Variants in DENND1A observed in about 807,000 individuals in gnomAD.
DENND1A encodes the protein DENN domain containing 1A.
DENND1A carries 51 observed loss-of-function variants against 113.7 expected under a neutral mutation model. That is an observed-to-expected ratio of 0.45 (90% CI 0.36 to 0.57). The LOEUF is 0.57. DENND1A is among the 20% of genes least tolerant of loss of function. The pLI is 0.00. For missense variants in DENND1A, 1,258 were observed against 1,395.9 expected (o/e 0.90, Z 1.57); for synonymous variants, 565 against 570.8 (o/e 0.99, Z 0.14).
intron 9 of DENND1A, among the ~76,000 whole-genome samples, chr9:123,637,043 A>G (rs1397683425): frequency 6.6e-6 from 1 of 152,182 alleles, no homozygotes; most frequent in Non-Finnish European, 1.5e-5. Context: ...GAGGCTGTAC[A>G]GTTTTGAAAA....
intron 1 of DENND1A, among the ~76,000 whole-genome samples, chr9:123,880,021 T>C (rs1848093093): frequency 6.6e-6 from 1 of 152,144 alleles, no homozygotes; most frequent in African/African-American, 2.4e-5. Flanking sequence ...TTTATTTACG[T>C]ATTTATTTTG....
At chr9:123,387,431 G>C (rs566491391) in intron 22 of DENND1A, among the ~76,000 whole-genome samples, 3 of 152,314 alleles carry the variant, frequency 2.0e-5, no homozygotes, top group South Asian at 2.1e-4. Context: ...GCTAATTGTA[G>C]TCACCAGTTC....
At chr9:123,481,989 A>C (rs1354887574) in intron 13 of DENND1A, among the ~76,000 whole-genome samples, 1 of 151,550 alleles carries the variant, frequency 6.6e-6, no homozygotes, top group Non-Finnish European at 1.5e-5. Flanking sequence ...TTTTTAGTAG[A>C]GATGGGATTT....
intron 1 of DENND1A, among the ~76,000 whole-genome samples, chr9:123,925,093 T>C (rs972969890): frequency 2.0e-5 from 3 of 152,218 alleles, no homozygotes; most frequent in Admixed American, 6.5e-5. Flanking sequence ...CACCTGGTTT[T>C]TTTAATGTCA....
At chr9:123,575,031 G>A (rs1328286857) in intron 12 of DENND1A, among the ~76,000 whole-genome samples, 4 of 152,096 alleles carry the variant, frequency 2.6e-5, no homozygotes, top group African/African-American at 9.7e-5. Context: ...TCTTTCCTTT[G>A]TTATGACCTT....
chr9:123,803,241 T>C (rs911244310), intron 2 of DENND1A, among the ~76,000 whole-genome samples: 1 of 152,176 alleles, frequency 6.6e-6, no homozygotes, highest in Non-Finnish European at 1.5e-5. Context: ...ACCTTATAGT[T>C]TAAGGTATGT....
chr9:123,454,284 C>G (rs1292190488), intron 16 of DENND1A, among the ~76,000 whole-genome samples: 2 of 152,188 alleles, frequency 1.3e-5, no homozygotes. Context: ...ACGTTGGAAG[C>G]CCTATGCCCC....
intron 13 of DENND1A, among the ~76,000 whole-genome samples, chr9:123,493,804 G>A (rs1185415575): frequency 6.6e-6 from 1 of 152,174 alleles, no homozygotes; most frequent in Non-Finnish European, 1.5e-5. Flanking sequence ...GGAGGGGAAG[G>A]CATGCACGCT....
At chr9:123,576,462 T>C (rs1222897412) in intron 12 of DENND1A, among the ~76,000 whole-genome samples, 1 of 152,206 alleles carries the variant, frequency 6.6e-6, no homozygotes, top group Non-Finnish European at 1.5e-5. Flanking sequence ...CTGCTGACAA[T>C]GATTTCTCCA....
At chr9:123,894,333 G>A (rs773636743) in intron 1 of DENND1A, among the ~76,000 whole-genome samples, 13 of 152,160 alleles carry the variant, frequency 8.5e-5, no homozygotes, top group Non-Finnish European at 1.9e-4. Flanking sequence ...ACCATCATCC[G>A]AGGTATCTAA....
intron 1 of DENND1A, among the ~76,000 whole-genome samples, chr9:123,893,972 C>T (rs1313786195): frequency 1.3e-5 from 2 of 152,158 alleles, no homozygotes; most frequent in African/African-American, 4.8e-5. Flanking sequence ...GCTTCTCTCA[C>T]CCCCTTACAA....
chr9:123,656,760 C>A (rs1180870758), intron 8 of DENND1A, among the ~76,000 whole-genome samples: 2 of 152,162 alleles, frequency 1.3e-5, no homozygotes, highest in Admixed American at 6.5e-5. Context: ...GCCTAAGTAA[C>A]CACTTTCTTC....
At chr9:123,447,804 C>A (rs4838060) in intron 18 of DENND1A, among the ~76,000 whole-genome samples, 82,937 of 147,904 alleles carry the variant, frequency 0.56, 25,301 homozygotes, top group Non-Finnish European at 0.68. Context: ...AAAAAAAAAA[C>A]CAAGGAAATA....
intron 2 of DENND1A, among the ~76,000 whole-genome samples, chr9:123,831,350 A>G (rs968675260): frequency 1.3e-5 from 2 of 152,198 alleles, no homozygotes; most frequent in African/African-American, 4.8e-5. Flanking sequence ...TGTGAAGACT[A>G]AATATGTAAA....
At chr9:123,814,780 CTTT>C (rs1231654097) in intron 2 of DENND1A, among the ~76,000 whole-genome samples, 1 of 152,198 alleles carries the variant, frequency 6.6e-6, no homozygotes, top group Non-Finnish European at 1.5e-5. Context: ...ACAACCACTT[CTTT>C]ATTAATGGAA....
chr9:123,505,180 G>A (rs1483736700), intron 13 of DENND1A, among the ~76,000 whole-genome samples: 1 of 152,218 alleles, frequency 6.6e-6, no homozygotes, highest in African/African-American at 2.4e-5. Context: ...TATATGGACA[G>A]ATCTATGGTG....
At chr9:123,614,551 T>C (rs1404768671) in intron 10 of DENND1A, among the ~76,000 whole-genome samples, 3 of 151,280 alleles carry the variant, frequency 2.0e-5, no homozygotes, top group South Asian at 4.2e-4. Flanking sequence ...CAGCTACTAA[T>C]TGGAAATGAG....
At chr9:123,440,288 A>G (rs2046827923) in intron 19 of DENND1A, 72 bp downstream of exon 19, 3 of 1,493,324 alleles carry the variant, frequency 2.0e-6, no homozygotes, top group Admixed American at 2.4e-5. Context: ...CGTCTGCTGC[A>G]TGTGCTACTG....
intron 5 of DENND1A, among the ~76,000 whole-genome samples, chr9:123,715,575 A>C (rs2066917930): frequency 6.6e-6 from 1 of 152,262 alleles, no homozygotes; most frequent in South Asian, 2.1e-4. Context: ...GTTAAGCAGC[A>C]ACTAAACTAA....
Sources: allele counts gnomAD v4.1 joint callset (sites outside exome capture counted in the v4.1 genomes callset), GRCh38; gene constraint gnomAD v4.1.1; transcripts MANE v1.5; gene names NCBI Gene and HGNC (gene_info 2026-07-23, HGNC 2026-07-21).